The following RHBDL2 variants were observed in gnomAD, a reference collection of about 807,000 sequenced individuals.
RHBDL2 encodes the protein rhomboid-related protein 2.
In RHBDL2, 26 loss-of-function variants were observed where a neutral mutation model predicts 31.7. The ratio of observed to expected loss-of-function variants is 0.82; its 90% CI spans 0.60 to 1.14. The LOEUF is 1.14. RHBDL2 is among the 50% of genes most tolerant of loss of function. The pLI, the probability that RHBDL2 is intolerant of heterozygous loss-of-function variation, is 0.00. For synonymous variants in RHBDL2, 123 were observed against 127.2 expected (o/e 0.97, Z 0.22); for missense variants, 336 against 364.4 (o/e 0.92, Z 0.63).
In RHBDL2 at chr1:38,935,615, C is replaced by T. The variant is rs563387969; in HGVS notation, c.-126+6067G>A. Among the ~76,000 whole-genome samples, 11 of 152,032 alleles carry T rather than the reference C, an allele frequency of 7.2e-5. No individual in the cohort carries two copies. The East Asian group carries it at 1.9e-3, about 27-fold the overall frequency. On this transcript the variant is annotated intron_variant, in intron 1 of 7. Coordinates refer to ENST00000372990, the MANE Select transcript of RHBDL2 (RefSeq NM_017821.5). ...CATAATTAGCATTGAGCAAATTTTT[C>T]GTTTTGTTTTGTTTTGAGACAGGGT...
intron 4 of RHBDL2, among the ~76,000 whole-genome samples, chr1:38,907,473 G>A (rs540874538): frequency 6.6e-6 from 1 of 152,348 alleles, no homozygotes; most frequent in South Asian, 2.1e-4. Context: ...CTGGGAGGTG[G>A]AGGTTGCAGT....
In RHBDL2 at chr1:38,911,343, A is replaced by G. The variant is rs1643138166; in HGVS notation, c.487T>C (p.Tyr163His). Residue 163 changes from tyrosine (Y) to histidine (H), a missense_variant, in exon 4 of 8, where the codon TAC (tyrosine) becomes CAC (histidine). Physicochemically the swap from Tyr to His is moderately conservative, Grantham distance 83. Transcript: ENST00000372990. ...VHKGLRVGLV[Y>H]LAGVIAGSLA... ...TGACCTGCAATCACTCCTGCCAGGT[A>G]CACCAGCCCCACACGGAGGCCTTTG... The G allele has an allele frequency of 3.1e-6, 5 of 1,613,144 alleles. No homozygotes were observed. Among genetic ancestry groups the G allele is most frequent in the East Asian group, 4.5e-5 (2 of 44,856 alleles).
chr1:38,934,323 G>T (rs559826619), intron 1 of RHBDL2, among the ~76,000 whole-genome samples: 1 of 151,926 alleles, frequency 6.6e-6, no homozygotes, highest in Admixed American at 6.6e-5. Context: ...ACTCCAGCCT[G>T]GATGACAGAG....
At chr1:38,938,592 T>C (rs1478027211) in intron 1 of RHBDL2, among the ~76,000 whole-genome samples, 2 of 152,192 alleles carry the variant, frequency 1.3e-5, no homozygotes, top group Non-Finnish European at 2.9e-5. Flanking sequence ...TTTAAGACTC[T>C]GTTCCTTACT....
rs762354706 is a variant in RHBDL2 at position 38,915,621 on chromosome 1, G to T, written c.336C>A (p.Tyr112Ter). The T allele has an allele frequency of 3.0e-5, 48 of 1,613,882 alleles. No homozygotes were observed. In the Admixed American group the frequency reaches 7.7e-4, roughly 26 times the overall value. Residue 112 changes from tyrosine to a stop codon, truncating the protein, a stop_gained, in exon 3 of 8, where the codon TAC becomes TAA. Coordinates refer to ENST00000372990, the MANE Select transcript of RHBDL2 (RefSeq NM_017821.5). LOFTEE classifies it high-confidence loss of function. ...DTGILESPFI[Y>*]SPEKREEAWR... is the part of the protein sequence containing the mutation. ...AGGCTTCCTCCCTCTTCTCAGGACT[G>T]TAGATAAAGGGACTCTCCAAGATGC...
chr1:38,893,126 C>A lies in RHBDL2; in HGVS notation c.670+38G>T, dbSNP rs527392651. The A allele has an allele frequency of 3.6e-5, 43 of 1,210,930 alleles. No homozygotes were observed. The South Asian group carries it at 5.4e-4, about 15-fold the overall frequency. 75.0% of individuals were successfully genotyped at this position (1,210,930 alleles called of 1,614,324 possible). On this transcript the variant is annotated intron_variant, in intron 6 of 7. Transcript: ENST00000372990. ...GAGATTTGTCTCTATATTTTATTTT[C>A]ACTTGGACAGTATGAAGTATTCACA... is the stretch of plus-strand genomic sequence containing the variant.
intron 1 of RHBDL2, among the ~76,000 whole-genome samples, chr1:38,928,306 TA>T (rs1419813249): frequency 6.6e-6 from 1 of 151,980 alleles, no homozygotes; most frequent in East Asian, 1.9e-4. Flanking sequence ...CACGCCCAGC[TA>T]ATTTTTTTGT....
Position 38,909,779 on chromosome 1 carries a change from A to T in RHBDL2, c.508+1543T>A, listed in dbSNP as rs184467785. Among the ~76,000 whole-genome samples, 78 of 152,308 alleles carry T rather than the reference A, an allele frequency of 5.1e-4. 1 individual carries two copies. In the East Asian group the frequency reaches 0.014, roughly 28 times the overall value. Reference sequence around the variant, plus strand: ...TTAATGAATTAAATTAAATTAAATTAAAAAATAAAATATGCCACTATCATA... The same window carrying T: ...TTAATGAATTAAATTAAATTAAATTTAAAAATAAAATATGCCACTATCATA... On this transcript the variant is annotated intron_variant, in intron 4 of 7. Coordinates refer to ENST00000372990, the MANE Select transcript of RHBDL2 (RefSeq NM_017821.5).
At chr1:38,915,201 C>T (rs1483332020) in intron 3 of RHBDL2, among the ~76,000 whole-genome samples, 6 of 150,352 alleles carry the variant, frequency 4.0e-5, no homozygotes, top group East Asian at 2.0e-4. Context: ...GGCACGATCT[C>T]GGCTTACTGC....
intron 4 of RHBDL2, among the ~76,000 whole-genome samples, chr1:38,904,977 G>A (rs1643044279): frequency 6.7e-6 from 1 of 150,290 alleles, no homozygotes; most frequent in Non-Finnish European, 1.5e-5. Context: ...CTTGCAGTGA[G>A]CCGAGATCGC....
intron 4 of RHBDL2, among the ~76,000 whole-genome samples, chr1:38,905,589 G>GAA (rs55769320): frequency 7.4e-4 from 104 of 141,454 alleles, no homozygotes; most frequent in East Asian, 1.3e-3. Context: ...GTCTCTACAG[G>GAA]AAAAAAAAAA....
chr1:38,911,714 A>T (rs1643150565), intron 3 of RHBDL2, among the ~76,000 whole-genome samples: 1 of 151,528 alleles, frequency 6.6e-6, no homozygotes, highest in Non-Finnish European at 1.5e-5. Context: ...ATCTCTGCTC[A>T]CCAGAACCTC....
chr1:38,929,228 G>A (rs186727159), intron 1 of RHBDL2, among the ~76,000 whole-genome samples: 16 of 152,122 alleles, frequency 1.1e-4, no homozygotes, highest in Admixed American at 7.2e-4. Context: ...GTGAATTCCC[G>A]AACGGAAGCT....
At chr1:38,887,572 C>G (rs1482049883) in intron 7 of RHBDL2, among the ~76,000 whole-genome samples, 1 of 152,116 alleles carries the variant, frequency 6.6e-6, no homozygotes, top group Non-Finnish European at 1.5e-5. Context: ...TTACAGGTGA[C>G]TGCCACCACG....
chr1:38,930,423 C>A (rs1447379930), intron 1 of RHBDL2, among the ~76,000 whole-genome samples: 1 of 152,160 alleles, frequency 6.6e-6, no homozygotes, highest in African/African-American at 2.4e-5. Context: ...AATCTCAGAC[C>A]AGAGTCTGGG....
chr1:38,920,981 G>T (rs1318106001), intron 1 of RHBDL2, among the ~76,000 whole-genome samples: 1 of 152,080 alleles, frequency 6.6e-6, no homozygotes, highest in African/African-American at 2.4e-5. Context: ...GAATTGCTGG[G>T]TCATATGGTA....
Position 38,914,887 on chromosome 1 carries a change from G to A in RHBDL2, c.395+675C>T, listed in dbSNP as rs939932699. Among the ~76,000 whole-genome samples the A allele has an allele frequency of 8.6e-5, 13 of 151,328 alleles. No homozygotes were observed. The East Asian group carries it at 1.7e-3, about 19-fold the overall frequency. ...CTACTAAAAGTATAAAAATTAGCCCGGCCTGGTGGCAGGTGCCTGTAATCC... is the reference window on the plus strand; with the variant it reads ...CTACTAAAAGTATAAAAATTAGCCCAGCCTGGTGGCAGGTGCCTGTAATCC... On this transcript the variant is annotated intron_variant, in intron 3 of 7. Coordinates refer to ENST00000372990, the MANE Select transcript of RHBDL2 (RefSeq NM_017821.5).
At chr1:38,910,671 G>T (rs978965277) in intron 4 of RHBDL2, among the ~76,000 whole-genome samples, 9 of 151,808 alleles carry the variant, frequency 5.9e-5, no homozygotes, top group Admixed American at 5.3e-4. Flanking sequence ...TGACATATAA[G>T]GGCCTCCATG....
At chr1:38,909,334 C>G (rs867713875) in intron 4 of RHBDL2, among the ~76,000 whole-genome samples, 1 of 152,094 alleles carries the variant, frequency 6.6e-6, no homozygotes, top group Admixed American at 6.6e-5. Flanking sequence ...TTCCGTATCA[C>G]GAGCACAGGT....
Sources: allele counts gnomAD v4.1 joint callset (sites outside exome capture counted in the v4.1 genomes callset), GRCh38; gene constraint gnomAD v4.1.1; transcripts MANE v1.5; gene names NCBI Gene and HGNC (gene_info 2026-07-23, HGNC 2026-07-21).